Variants in CNTNAP5 observed in about 807,000 individuals in gnomAD.
CNTNAP5 encodes the protein contactin-associated protein-like 5.
In CNTNAP5, 72 loss-of-function variants were observed where a neutral mutation model predicts 150.2. The ratio of observed to expected loss-of-function variants is 0.48; its 90% CI spans 0.40 to 0.58. The LOEUF (loss-of-function observed/expected upper bound fraction) is 0.58, where lower values mean the gene tolerates loss of function less well. Ranked by LOEUF, CNTNAP5 falls within the 20% of genes least tolerant of loss-of-function variation. The pLI, the probability that CNTNAP5 is intolerant of heterozygous loss-of-function variation, is 0.00. For synonymous variants in CNTNAP5, 672 were observed against 619.8 expected, an observed-to-expected ratio of 1.08 and a Z score of -1.25; for missense variants, 1,636 against 1,626.2, an observed-to-expected ratio of 1.01 and a Z score of -0.10.
intron 1 of CNTNAP5, among the ~76,000 whole-genome samples, chr2:124,082,273 C>T (rs185684326): frequency 0.013 from 1,944 of 144,694 alleles, 43 homozygotes; most frequent in African/African-American, 0.046. Flanking sequence ...GGCATGAACC[C>T]GGGAGGCGGA....
intron 13 of CNTNAP5, among the ~76,000 whole-genome samples, chr2:124,732,473 A>G (rs1461247037): frequency 6.6e-6 from 1 of 152,076 alleles, no homozygotes; most frequent in African/African-American, 2.4e-5. Context: ...ATGCCCTTAG[A>G]AAACAGGCCC....
At chr2:124,371,938 G>A (rs1690538276) in intron 3 of CNTNAP5, among the ~76,000 whole-genome samples, 1 of 151,980 alleles carries the variant, frequency 6.6e-6, no homozygotes, top group East Asian at 1.9e-4. Context: ...ATTGAGGGAT[G>A]GCTAGGCAGC....
intron 12 of CNTNAP5, among the ~76,000 whole-genome samples, chr2:124,630,408 G>T (rs1041035360): frequency 6.6e-6 from 1 of 152,104 alleles, no homozygotes; most frequent in African/African-American, 2.4e-5. Context: ...GGCATGCAAG[G>T]CTTGTTCAAC....
rs866504771 is a variant in CNTNAP5 at position 124,277,983 on chromosome 2, G to A, written c.381+35590G>A. ...TTCTCCCAGCAGAGGAAACAGCCAC[G>A]TCATTGTGTTAAGCTATCAGTGCCA... On this transcript the variant is annotated intron_variant, in intron 3 of 23. Coordinates refer to ENST00000682447, the MANE Select transcript of CNTNAP5 (RefSeq NM_001367498.1). Among the ~76,000 whole-genome samples the A allele has an allele frequency of 8.5e-5, 13 of 152,268 alleles. No individual in the cohort carries two copies. In the Middle Eastern group the frequency reaches 0.01, roughly 120 times the overall value.
intron 13 of CNTNAP5, among the ~76,000 whole-genome samples, chr2:124,683,190 G>T (rs981791092): frequency 2.0e-5 from 3 of 152,118 alleles, no homozygotes; most frequent in Non-Finnish European, 2.9e-5. Context: ...TGGGGGAGCC[G>T]TGTGCCCCAC....
At chr2:124,259,383 T>C (rs1283201322) in intron 3 of CNTNAP5, among the ~76,000 whole-genome samples, 1 of 152,174 alleles carries the variant, frequency 6.6e-6, no homozygotes. Context: ...AGTAATGGGA[T>C]GGCTGTGTCA....
At chr2:124,544,803 T>G (rs1695475293) in intron 10 of CNTNAP5, among the ~76,000 whole-genome samples, 1 of 152,176 alleles carries the variant, frequency 6.6e-6, no homozygotes, top group Non-Finnish European at 1.5e-5. Context: ...AGGTTAAGTA[T>G]AAAGATTGGG....
intron 17 of CNTNAP5, among the ~76,000 whole-genome samples, chr2:124,781,185 G>A (rs192890719): frequency 6.6e-6 from 1 of 152,266 alleles, no homozygotes; most frequent in African/African-American, 2.4e-5. Context: ...GTCAGCCCTG[G>A]GCTGGGCAAT....
At chr2:124,112,207 G>A (rs759109299) in intron 1 of CNTNAP5, among the ~76,000 whole-genome samples, 3 of 152,068 alleles carry the variant, frequency 2.0e-5, no homozygotes, top group Non-Finnish European at 4.4e-5. Context: ...TCCTTCCTTG[G>A]CATCACTTTA....
chr2:124,789,977 T>G lies in CNTNAP5; in HGVS notation c.2828T>G (p.Leu943Arg). The change falls in exon 18 of 24, where the codon CTG becomes CGG. Residue 943 changes from leucine (L) to arginine (R), a missense_variant. By Grantham distance (102) the Leu-to-Arg change is moderately radical. Transcript: ENST00000682447. Reference protein sequence around the residue: ...SLHLNGQKMDLEERAKVTSGV... With the variant: ...SLHLNGQKMDREERAKVTSGV... ...CACTTGAATGGACAGAAAATGGACC[T>G]GGAAGAGAGGGCAAAGGTCACATCT... The G allele has an allele frequency of 1.9e-6, 3 of 1,613,966 alleles. No homozygotes were observed. Among genetic ancestry groups the G allele is most frequent in the Non-Finnish European group, 2.5e-6 (3 of 1,179,862 alleles).
intron 1 of CNTNAP5, among the ~76,000 whole-genome samples, chr2:124,197,958 G>A (rs1685629594): frequency 6.7e-6 from 1 of 149,874 alleles, no homozygotes; most frequent in Non-Finnish European, 1.5e-5. Context: ...TCCAGCCTGG[G>A]TGACAGAGAC....
At chr2:124,436,297 G>A (rs774176464) in intron 5 of CNTNAP5, among the ~76,000 whole-genome samples, 84 of 152,198 alleles carry the variant, frequency 5.5e-4, no homozygotes, top group Non-Finnish European at 9.7e-4. Flanking sequence ...AAAATCTAAT[G>A]TTGTAAACCA....
At chr2:124,626,537 A>G (rs1032669622) in intron 12 of CNTNAP5, among the ~76,000 whole-genome samples, 6 of 152,092 alleles carry the variant, frequency 3.9e-5, no homozygotes, top group Non-Finnish European at 7.4e-5. Context: ...CAAGGGTACT[A>G]TGCTTTTCCC....
In CNTNAP5 at chr2:124,158,590, A is replaced by G. The variant is rs201093163; in HGVS notation, c.83-63115A>G. On this transcript the variant is annotated intron_variant, in intron 1 of 23. Transcript: ENST00000682447. ...TGAATCCACGGATATAGAACCCATG[A>G]ATGTGGAGGGCTGACTCTATTTACT... Among the ~76,000 whole-genome samples the G allele has an allele frequency of 2.6e-5, 4 of 152,270 alleles. No individual in the cohort carries two copies. The East Asian group carries it at 7.7e-4, about 29-fold the overall frequency.
chr2:124,574,811 G>A (rs1696240931), intron 11 of CNTNAP5, among the ~76,000 whole-genome samples: 1 of 152,182 alleles, frequency 6.6e-6, no homozygotes, highest in Non-Finnish European at 1.5e-5. Context: ...AATATATTTT[G>A]ACTATGTAAT....
intron 1 of CNTNAP5, among the ~76,000 whole-genome samples, chr2:124,216,555 A>G (rs1686161943): frequency 6.6e-6 from 1 of 151,888 alleles, no homozygotes; most frequent in African/African-American, 2.4e-5. Context: ...CCACCCCACA[A>G]CAGTCCCCGG....
At chr2:124,620,410 T>A (rs6760200) in intron 12 of CNTNAP5, among the ~76,000 whole-genome samples, 47 of 152,200 alleles carry the variant, frequency 3.1e-4, no homozygotes, top group African/African-American at 1.1e-3. Flanking sequence ...GAGTACAGAG[T>A]GCCCATCTGT....
intron 3 of CNTNAP5, among the ~76,000 whole-genome samples, chr2:124,265,073 G>A (rs1329272406): frequency 6.6e-6 from 1 of 152,204 alleles, no homozygotes; most frequent in African/African-American, 2.4e-5. Flanking sequence ...CTCACTTAAG[G>A]TGCTTTGGTT....
intron 13 of CNTNAP5, among the ~76,000 whole-genome samples, chr2:124,657,923 T>C (rs1214257911): frequency 1.3e-5 from 2 of 152,256 alleles, no homozygotes; most frequent in Non-Finnish European, 2.9e-5. Flanking sequence ...ATAGTCTGCA[T>C]TGAAGTTGTT....
Sources: allele counts gnomAD v4.1 joint callset (sites outside exome capture counted in the v4.1 genomes callset), GRCh38; gene constraint gnomAD v4.1.1; transcripts MANE v1.5; gene names NCBI Gene and HGNC (gene_info 2026-07-23, HGNC 2026-07-21).